Variants in MYRIP observed in about 807,000 individuals in gnomAD.
The protein encoded by MYRIP is rab effector MyRIP.
Under a neutral mutation model 98.0 loss-of-function variants are expected in MYRIP, and 49 were observed. The observed-to-expected ratio is 0.50, with a 90% CI of 0.40 to 0.63. MYRIP has a LOEUF of 0.63. Among genes scored for constraint, MYRIP ranks in the 30% least tolerant of loss-of-function variants. The pLI, the probability that MYRIP is intolerant of heterozygous loss-of-function variation, is 0.00. For missense variants in MYRIP, 1,004 were observed against 1,058.2 expected, an observed-to-expected ratio of 0.95 and a Z score of 0.71; for synonymous variants, 404 against 409.5, an observed-to-expected ratio of 0.99 and a Z score of 0.16.
intron 1 of MYRIP, among the ~76,000 whole-genome samples, chr3:39,898,902 A>G (rs1032845621): frequency 2.6e-5 from 4 of 152,038 alleles, no homozygotes; most frequent in African/African-American, 9.7e-5. Context: ...ATTTTTATAG[A>G]TTATATTATT....
chr3:40,218,776 T>C (rs1196408357), intron 11 of MYRIP, among the ~76,000 whole-genome samples: 1 of 151,418 alleles, frequency 6.6e-6, no homozygotes, highest in African/African-American at 2.4e-5. Context: ...GGAAACATAT[T>C]CTGTGTATAG....
At chr3:40,163,094 A>G (rs1465307985) in intron 5 of MYRIP, 1 of 298,206 alleles carries the variant, frequency 3.4e-6, no homozygotes, top group Non-Finnish European at 6.2e-6. Flanking sequence ...GAACATATCA[A>G]TCAATCCACT....
chr3:39,920,723 G>A (rs951828010), intron 2 of MYRIP, among the ~76,000 whole-genome samples: 2 of 152,198 alleles, frequency 1.3e-5, no homozygotes, highest in Non-Finnish European at 2.9e-5. Context: ...AGCTTTTTCA[G>A]TATGAAGTGG....
rs79476954 is a variant in MYRIP at position 39,869,202 on chromosome 3, G to A, written c.-30-31585G>A. Among the ~76,000 whole-genome samples the A allele has an allele frequency of 1.1e-4, 17 of 151,948 alleles. No individual in the cohort carries two copies. In the East Asian group the frequency reaches 3.1e-3, roughly 28 times the overall value. On this transcript the variant is annotated intron_variant, in intron 1 of 16. Coordinates refer to ENST00000302541, the MANE Select transcript of MYRIP (RefSeq NM_015460.4). ...CTGAGTCTTCCATTAGAAATATTTC[G>A]GTGTGCTTGATGACCTTCCACAAGT...
At chr3:39,927,145 G>A (rs1323962251) in intron 2 of MYRIP, among the ~76,000 whole-genome samples, 2 of 152,010 alleles carry the variant, frequency 1.3e-5, no homozygotes, top group Non-Finnish European at 2.9e-5. Flanking sequence ...TTGGTGCACA[G>A]AAATGTTACT....
intron 16 of MYRIP, among the ~76,000 whole-genome samples, chr3:40,253,678 C>A (rs1387165154): frequency 6.6e-6 from 1 of 152,182 alleles, no homozygotes; most frequent in Non-Finnish European, 1.5e-5. Flanking sequence ...AGCGCAATCC[C>A]ATTCTAGAAT....
rs146505734 is a variant in MYRIP at position 40,191,497 on chromosome 3, G to A, written c.1665+1034G>A. Among the ~76,000 whole-genome samples, 32 of 152,194 alleles carry A rather than the reference G, an allele frequency of 2.1e-4. 1 individual carries two copies. In the East Asian group the frequency reaches 4.1e-3, roughly 19 times the overall value. On this transcript the variant is annotated intron_variant, in intron 10 of 16. Transcript: ENST00000302541. ...TCCCCTATGGCTGCAGACAACTCAC[G>A]TAGGTCCAAAGATATGGTCCAAGAT...
intron 2 of MYRIP, among the ~76,000 whole-genome samples, chr3:39,997,886 A>G (rs1055462284): frequency 2.0e-5 from 3 of 152,204 alleles, no homozygotes; most frequent in African/African-American, 7.2e-5. Flanking sequence ...CAACATACGC[A>G]AATCAATAAA....
At chr3:40,019,141 A>G (rs1946934726) in intron 2 of MYRIP, among the ~76,000 whole-genome samples, 1 of 152,180 alleles carries the variant, frequency 6.6e-6, no homozygotes, top group African/African-American at 2.4e-5. Flanking sequence ...GTAGATTGAT[A>G]GTTTCATTGC....
intron 3 of MYRIP, among the ~76,000 whole-genome samples, chr3:40,058,823 G>A (rs1455087100): frequency 6.6e-6 from 1 of 152,118 alleles, no homozygotes. Flanking sequence ...TGGGATACAT[G>A]TGCAGAACGT....
chr3:40,145,289 T>C (rs551485663), intron 3 of MYRIP, among the ~76,000 whole-genome samples: 37 of 152,240 alleles, frequency 2.4e-4, no homozygotes, highest in African/African-American at 8.7e-4. Context: ...TCAGACAGAG[T>C]AAGCACTCAA....
intron 1 of MYRIP, among the ~76,000 whole-genome samples, chr3:39,832,033 ATG>A (rs752149438): frequency 7.2e-5 from 11 of 152,214 alleles, no homozygotes; most frequent in Non-Finnish European, 1.5e-4. Flanking sequence ...AATGTGGGAA[ATG>A]TTGGAATGTA....
intron 13 of MYRIP, among the ~76,000 whole-genome samples, chr3:40,246,669 G>A (rs1384716665): frequency 6.6e-6 from 1 of 152,050 alleles, no homozygotes; most frequent in Non-Finnish European, 1.5e-5. Flanking sequence ...CAGGGAGGAG[G>A]GGGTTGTGAC....
At chr3:40,012,044 G>A (rs59246505) in intron 2 of MYRIP, among the ~76,000 whole-genome samples, 2,739 of 152,134 alleles carry the variant, frequency 0.018, 72 homozygotes, top group African/African-American at 0.061. Context: ...TTTGAAACCC[G>A]GATTTACAGA....
chr3:40,159,877 A>G (rs1222748309), intron 4 of MYRIP, among the ~76,000 whole-genome samples: 16 of 152,230 alleles, frequency 1.1e-4, no homozygotes, highest in South Asian at 2.1e-4. Flanking sequence ...TGTGTTAGTT[A>G]TTCTAGTTAT....
chr3:40,020,544 A>G (rs983182585), intron 2 of MYRIP, among the ~76,000 whole-genome samples: 2 of 152,212 alleles, frequency 1.3e-5, no homozygotes, highest in African/African-American at 4.8e-5. Context: ...ACCTGTGTGA[A>G]GTAGCACGTG....
At chr3:40,119,181 A>G (rs951698329) in intron 3 of MYRIP, among the ~76,000 whole-genome samples, 1 of 152,038 alleles carries the variant, frequency 6.6e-6, no homozygotes, top group African/African-American at 2.4e-5. Flanking sequence ...GTTGAACTAG[A>G]TTACAGTCCC....
intron 2 of MYRIP, among the ~76,000 whole-genome samples, chr3:40,020,690 G>T (rs757323224): frequency 1.8e-4 from 27 of 152,176 alleles, no homozygotes; most frequent in Admixed American, 1.8e-3. Context: ...AGAACTGTAC[G>T]TGTAGCAAAT....
Position 40,233,976 on chromosome 3 carries a change from G to C in MYRIP, c.2023G>C (p.Asp675His), listed in dbSNP as rs764083813. The C allele has an allele frequency of 7.4e-6, 12 of 1,613,478 alleles. No homozygotes were observed. The highest frequency in any genetic ancestry group is 1.0e-5 in the Non-Finnish European group (12 of 1,179,844). The stretch of plus-strand genomic sequence containing the variant: ...CTGGGAGTCCCCACAAGTCCCTCCT[G>C]ACAGACAGAAGGGGATGTTTCCTCG... ...GPWESPQVPP[D>H]RQKGMFPRGT... Residue 675 changes from aspartate (D) to histidine (H), a missense_variant, in exon 12 of 17, where the codon GAC becomes CAC. Physicochemically the swap from Asp to His is moderately conservative, Grantham distance 81. Coordinates refer to ENST00000302541, the MANE Select transcript of MYRIP (RefSeq NM_015460.4).
Sources: allele counts gnomAD v4.1 joint callset (sites outside exome capture counted in the v4.1 genomes callset), GRCh38; gene constraint gnomAD v4.1.1; transcripts MANE v1.5; gene names NCBI Gene and HGNC (gene_info 2026-07-23, HGNC 2026-07-21).